Variants in RGS6 observed in about 807,000 individuals in gnomAD.
RGS6 encodes the protein regulator of G protein signaling 6.
A neutral mutation model predicts 78.5 loss-of-function variants in RGS6; 30 were observed. The observed-to-expected ratio is 0.38, with a 90% CI of 0.29 to 0.52. The LOEUF is 0.52. Among genes scored for constraint, RGS6 ranks in the 20% least tolerant of loss-of-function variants. The probability of loss-of-function intolerance (pLI) is 0.85; values close to 1 mark genes in which losing one functional copy is unlikely to be tolerated. For synonymous variants in RGS6, 206 were observed against 206.0 expected, an observed-to-expected ratio of 1.00 and a Z score of 0.00; for missense variants, 495 against 609.7, an observed-to-expected ratio of 0.81 and a Z score of 1.98.
intron 2 of RGS6, among the ~76,000 whole-genome samples, chr14:72,297,230 A>G (rs1203681473): frequency 6.6e-6 from 1 of 152,024 alleles, no homozygotes; most frequent in African/African-American, 2.4e-5. Flanking sequence ...TTGTTCTTCT[A>G]TTTCAAGAAT....
chr14:72,609,428 T>A, the RGS6 span, among the ~76,000 whole-genome samples: 7 of 152,174 alleles, frequency 4.6e-5, no homozygotes, highest in Non-Finnish European at 1.0e-4. Flanking sequence ...TCCTGGAGAT[T>A]GTCACAATCT....
chr14:72,147,934 A>C (rs1484597952), intron 2 of RGS6, among the ~76,000 whole-genome samples: 2 of 152,138 alleles, frequency 1.3e-5, no homozygotes, highest in South Asian at 2.1e-4. Context: ...GATTGAGACC[A>C]TCCTGGCTAA....
chr14:72,396,351 T>C (rs1186523584), intron 3 of RGS6, among the ~76,000 whole-genome samples: 1 of 152,232 alleles, frequency 6.6e-6, no homozygotes, highest in Non-Finnish European at 1.5e-5. Context: ...GAGAAGTGTC[T>C]GTTCATATCC....
chr14:72,373,140 A>G (rs1260622971), intron 3 of RGS6, among the ~76,000 whole-genome samples: 1 of 152,192 alleles, frequency 6.6e-6, no homozygotes, highest in African/African-American at 2.4e-5. Flanking sequence ...CAAAGCTGTG[A>G]AGGGAAAAAA....
intron 3 of RGS6, among the ~76,000 whole-genome samples, chr14:72,354,499 G>A (rs1179408210): frequency 1.3e-5 from 2 of 151,598 alleles, no homozygotes; most frequent in Non-Finnish European, 2.9e-5. Flanking sequence ...AGCTGGGTGT[G>A]GTGGCACGTG....
the RGS6 span, among the ~76,000 whole-genome samples, chr14:71,888,809 C>T: frequency 2.0e-5 from 3 of 152,276 alleles, no homozygotes; most frequent in South Asian, 6.2e-4. Flanking sequence ...TATATCTTCT[C>T]CATTTGGGTT....
intron 2 of RGS6, among the ~76,000 whole-genome samples, chr14:72,310,437 T>G (rs1378906643): frequency 6.6e-6 from 1 of 152,202 alleles, no homozygotes; most frequent in Non-Finnish European, 1.5e-5. Flanking sequence ...TGCTCCAACA[T>G]GTCTGCTGCC....
chr14:72,202,090 A>G (rs780884272), intron 2 of RGS6, among the ~76,000 whole-genome samples: 13 of 152,234 alleles, frequency 8.5e-5, no homozygotes, highest in Non-Finnish European at 1.3e-4. Context: ...CCTCCTCTTC[A>G]TGATGAAGTA....
At chr14:72,531,578 C>G (rs999041880) in intron 15 of RGS6, among the ~76,000 whole-genome samples, 3 of 152,022 alleles carry the variant, frequency 2.0e-5, no homozygotes, top group African/African-American at 7.2e-5. Context: ...AAACAAGATT[C>G]TTTGGGTTCC....
At chr14:72,626,402 G>C in the RGS6 span, among the ~76,000 whole-genome samples, 1 of 151,930 alleles carries the variant, frequency 6.6e-6, no homozygotes, top group Non-Finnish European at 1.5e-5. Context: ...GTTTTCTTAT[G>C]TCTCTTTTTT....
intron 2 of RGS6, among the ~76,000 whole-genome samples, chr14:72,120,777 G>T (rs753836847): frequency 6.6e-6 from 1 of 152,184 alleles, no homozygotes; most frequent in Non-Finnish European, 1.5e-5. Context: ...ATTAGGAAGT[G>T]ATGGCCTGGG....
chr14:72,554,966 C>T (rs193114519), intron 17 of RGS6, among the ~76,000 whole-genome samples: 1 of 152,306 alleles, frequency 6.6e-6, no homozygotes, highest in Non-Finnish European at 1.5e-5. Context: ...GGAGAAAGGT[C>T]CCCCATCACT....
chr14:72,318,065 C>T lies in RGS6; in HGVS notation c.85-34030C>T, dbSNP rs2070817364. On this transcript the variant is annotated intron_variant, in intron 2 of 17. Transcript: ENST00000553525. Reference sequence around the variant, plus strand: ...AACCCAAGCAGAGGCTGCCCCACCCCAACACCCCATTTTACACAGCTGGGA... The same window carrying T: ...AACCCAAGCAGAGGCTGCCCCACCCTAACACCCCATTTTACACAGCTGGGA... Among the ~76,000 whole-genome samples, 2 of 152,176 alleles carry T rather than the reference C, an allele frequency of 1.3e-5. 1 individual carries two copies. Among genetic ancestry groups the T allele is most frequent in the South Asian group, 4.1e-4 (2 of 4,826 alleles).
rs2097690363 is a variant in RGS6, at chr14:72,562,628, A to G, written c.*161A>G. 2.6e-6 allele frequency: 4 copies of G among 1,534,532 alleles called. No individual in the cohort carries two copies. The highest frequency in any genetic ancestry group is 3.5e-6 in the Non-Finnish European group (4 of 1,146,250). ...CGATGGTGGGGAGACTCGGTGGGTG[A>G]ATGGGGAGACCAGAAAGAAAGAGTC... On this transcript the variant is annotated 3_prime_UTR_variant, in exon 18 of 18. Coordinates refer to ENST00000553525, the MANE Select transcript of RGS6 (RefSeq NM_001204424.2).
intron 2 of RGS6, among the ~76,000 whole-genome samples, chr14:72,045,238 A>T (rs2092738258): frequency 6.6e-6 from 1 of 152,216 alleles, no homozygotes; most frequent in East Asian, 1.9e-4. Context: ...CGATAAGTCC[A>T]GTATTTATCT....
intron 12 of RGS6, among the ~76,000 whole-genome samples, chr14:72,486,179 T>C (rs772323530): frequency 2.0e-5 from 3 of 152,304 alleles, no homozygotes; most frequent in Non-Finnish European, 2.9e-5. Flanking sequence ...TCCCCCATGA[T>C]TGTAAGTTTC....
intron 17 of RGS6, among the ~76,000 whole-genome samples, chr14:72,558,071 G>A (rs1460200122): frequency 6.6e-6 from 1 of 152,022 alleles, no homozygotes; most frequent in African/African-American, 2.4e-5. Flanking sequence ...TTTGACAAGT[G>A]TATGCACCCG....
At chr14:72,308,567 A>T (rs2067795574) in intron 2 of RGS6, among the ~76,000 whole-genome samples, 1 of 152,216 alleles carries the variant, frequency 6.6e-6, no homozygotes, top group African/African-American at 2.4e-5. Flanking sequence ...GCCCACAGCA[A>T]ATGCTCAACA....
At chr14:72,105,287 T>A (rs2095611169) in intron 2 of RGS6, among the ~76,000 whole-genome samples, 1 of 152,194 alleles carries the variant, frequency 6.6e-6, no homozygotes, top group African/African-American at 2.4e-5. Context: ...CAAGTAAAAT[T>A]TTATTTGTAC....
Sources: gnomAD v4.1 joint callset for allele counts (sites outside exome capture counted in the v4.1 genomes callset) on GRCh38, gnomAD v4.1.1 for gene constraint, MANE v1.5 for transcripts, NCBI Gene and HGNC (gene_info 2026-07-23, HGNC 2026-07-21) for gene names.